CCR6: variants seen among roughly 807,000 people sequenced by gnomAD.
CCR6 encodes the protein C-C chemokine receptor type 6.
A neutral mutation model predicts 3.0 loss-of-function variants in CCR6; 2 were observed. The ratio of observed to expected loss-of-function variants is 0.66; its 90% confidence interval spans 0.27 to 2.07. The LOEUF (loss-of-function observed/expected upper bound fraction) is 2.07. Among genes scored for constraint, CCR6 ranks in the 30% most tolerant of loss-of-function variants. CCR6 has a pLI of 0.14. For synonymous variants in CCR6, 193 were observed against 184.3 expected (o/e 1.05, Z -0.38); for missense variants, 322 against 462.8 (o/e 0.70, Z 2.79).
intron 1 of CCR6, among the ~76,000 whole-genome samples, chr6:167,123,982 T>C (rs1781627975): frequency 6.6e-6 from 1 of 152,090 alleles, no homozygotes; most frequent in Non-Finnish European, 1.5e-5. Flanking sequence ...CATTGTGGCA[T>C]GTGCCTGTAA....
At chr6:167,124,801 A>ACG (rs776791326) in intron 1 of CCR6, among the ~76,000 whole-genome samples, 25 of 133,732 alleles carry the variant, frequency 1.9e-4, no homozygotes, top group Non-Finnish European at 3.0e-4. Context: ...ATATGCGCGC[A>ACG]CACACACACA....
intron 1 of CCR6, among the ~76,000 whole-genome samples, chr6:167,112,335 T>C (rs367544934): frequency 1.3e-5 from 2 of 152,252 alleles, no homozygotes; most frequent in African/African-American, 2.4e-5. Context: ...AGCCAGAAGA[T>C]GGCCATGGAG....
At chr6:167,126,802 G>A (rs184563625) in intron 1 of CCR6, among the ~76,000 whole-genome samples, 10 of 152,322 alleles carry the variant, frequency 6.6e-5, no homozygotes, top group South Asian at 4.1e-4. Flanking sequence ...TCCTGTTCTC[G>A]TGATAGTGAG....
intron 1 of CCR6, among the ~76,000 whole-genome samples, chr6:167,124,644 G>A (rs148361185): frequency 4.3e-4 from 66 of 152,276 alleles, no homozygotes; most frequent in African/African-American, 1.5e-3. Flanking sequence ...AGTCTCACCA[G>A]TACTCACAGT....
chr6:167,118,722 T>C (rs1359733484), upstream of CCR6, among the ~76,000 whole-genome samples: 1 of 152,152 alleles, frequency 6.6e-6, no homozygotes, highest in African/African-American at 2.4e-5. Flanking sequence ...AACTTATTGG[T>C]GTATGAACTT....
upstream of CCR6, among the ~76,000 whole-genome samples, chr6:167,117,944 GT>G (rs34732907): frequency 0.35 from 48,729 of 138,796 alleles, 7,642 homozygotes; most frequent in Middle Eastern, 0.44. Context: ...GCACTTTTCT[GT>G]TTTTTTTTTT....
At position 167,137,419 on chromosome 6, in the gene CCR6, T is replaced by C. The variant is rs1781867014; in HGVS notation, c.*64T>C. 6.7e-7 allele frequency: 1 copy of C among 1,482,252 alleles called. No homozygotes were observed. Among genetic ancestry groups the C allele is most frequent in the Admixed American group, 2.2e-5 (1 of 45,422 alleles). 91.8% of individuals were successfully genotyped at this position (1,482,252 alleles called of 1,614,324 possible). A position where few individuals can be genotyped will look rare whatever the true frequency, so the allele number is the denominator to read the frequency against. On this transcript the variant is annotated 3_prime_UTR_variant, in exon 3 of 3. Coordinates refer to ENST00000341935, the MANE Select transcript of CCR6 (RefSeq NM_031409.4). This position sits in a 1 kb window ranked among gnomAD's most constrained non-coding sequence, Gnocchi z 4.6. ...CTCATAGATGTTATGCAAAAAAAAG[T>C]CTATGGCCAGGTATGCATGGAAAAT...
upstream of CCR6, among the ~76,000 whole-genome samples, chr6:167,118,809 C>T (rs556046602): frequency 2.0e-3 from 301 of 152,246 alleles, 1 homozygote; most frequent in African/African-American, 6.9e-3. Flanking sequence ...CCCCAGGGCC[C>T]CTGGGCCTTT....
In CCR6 at chr6:167,136,338, C is replaced by T. The variant is rs749384834; in HGVS notation, c.108C>T (p.Cys36=). The part of the protein sequence containing the change: ...YYSVDSEMLL[C]SLQEVRQFSR... ...CAGTTGATTCTGAGATGTTACTGTGCTCCTTGCAGGAGGTCAGGCAGTTCT... is the reference window on the plus strand; with the variant it reads ...CAGTTGATTCTGAGATGTTACTGTGTTCCTTGCAGGAGGTCAGGCAGTTCT... Residue 36 remains cysteine, a synonymous_variant, in exon 3 of 3, where the codon TGC becomes TGT. Transcript: ENST00000341935. This position sits in a 1 kb window ranked among gnomAD's most constrained non-coding sequence, Gnocchi z 4.6. The T allele has an allele frequency of 6.2e-7, 1 of 1,614,170 alleles. No homozygotes were observed. Among genetic ancestry groups the T allele is most frequent in the Non-Finnish European group, 8.5e-7 (1 of 1,180,008 alleles).
chr6:167,131,120 C>A (rs905849943), intron 1 of CCR6: 4 of 152,238 alleles, frequency 2.6e-5, no homozygotes, highest in Admixed American at 1.3e-4. Context: ...CTTCTGTTCA[C>A]CAAGAGTTAC....
At chr6:167,135,562 C>G (rs1486402871) in intron 1 of CCR6, among the ~76,000 whole-genome samples, 1 of 152,224 alleles carries the variant, frequency 6.6e-6, no homozygotes, top group Non-Finnish European at 1.5e-5. Context: ...CGATTTAAAG[C>G]CCGGGACTAT....
chr6:167,137,038 C>T lies in CCR6; in HGVS notation c.808C>T (p.His270Tyr), dbSNP rs1235112896. The stretch of plus-strand genomic sequence containing the variant: ...TGTGTTTCTGGCTTGTCAGATTCCT[C>T]ATAACATGGTCCTGCTTGTGACGGC... ...VLVFLACQIP[H>Y]NMVLLVTAAN... The change falls in exon 3 of 3, where the codon CAT becomes TAT. Residue 270 changes from histidine (H) to tyrosine (Y), a missense_variant. Physicochemically the swap from His to Tyr is moderately conservative, Grantham distance 83 (BLOSUM62 2). Coordinates refer to ENST00000341935, the MANE Select transcript of CCR6 (RefSeq NM_031409.4). The surrounding 1 kb of genome is among the most constrained non-coding windows in gnomAD (Gnocchi z 4.6). 18 of 1,614,088 alleles carry T rather than the reference C, an allele frequency of 1.1e-5. No individual in the cohort carries two copies. Among genetic ancestry groups the T allele is most frequent in the Non-Finnish European group, 1.5e-5 (18 of 1,180,048 alleles).
At chr6:167,129,399 C>T (rs553723377) in intron 1 of CCR6, 7 of 152,488 alleles carry the variant, frequency 4.6e-5, no homozygotes, top group Non-Finnish European at 1.0e-4. Context: ...TCCAGACGCT[C>T]CTGCACTTGC....
upstream of CCR6, among the ~76,000 whole-genome samples, chr6:167,118,405 TCA>T (rs546917895): frequency 2.0e-5 from 3 of 152,220 alleles, no homozygotes; most frequent in Non-Finnish European, 4.4e-5. Flanking sequence ...CCAAGAATTT[TCA>T]GTTACACGAG....
At chr6:167,124,796 C>T (rs41514047) in intron 1 of CCR6, among the ~76,000 whole-genome samples, 3 of 101,198 alleles carry the variant, frequency 3.0e-5, no homozygotes, top group African/African-American at 3.8e-5. Flanking sequence ...ACAGCATATG[C>T]GCGCACACAC....
chr6:167,125,955 A>G (rs952344128), intron 1 of CCR6, among the ~76,000 whole-genome samples: 4 of 152,242 alleles, frequency 2.6e-5, no homozygotes, highest in Admixed American at 6.5e-5. Flanking sequence ...GATCTTTGAA[A>G]TGTTAAAATT....
At chr6:167,128,012 C>T (rs1214415117) in intron 1 of CCR6, among the ~76,000 whole-genome samples, 1 of 152,188 alleles carries the variant, frequency 6.6e-6, no homozygotes, top group Non-Finnish European at 1.5e-5. Context: ...GCTTGTGGCC[C>T]CCTCTTCTGT....
chr6:167,132,802 A>C (rs1237949387), intron 1 of CCR6, among the ~76,000 whole-genome samples: 1 of 152,134 alleles, frequency 6.6e-6, no homozygotes, highest in African/African-American at 2.4e-5. Context: ...CGGCCTCCCA[A>C]ATTGCTGGGA....
chr6:167,137,378 G>T lies in CCR6; in HGVS notation c.*23G>T. On this transcript the variant is annotated 3_prime_UTR_variant, in exon 3 of 3. Transcript: ENST00000341935. The surrounding 1 kb of genome is among the most constrained non-coding windows in gnomAD (Gnocchi z 4.6). Reference sequence around the variant, plus strand: ...TGATAGAAAGCTGAGTCTCCCTAAGGCATGTGTGAAACATACTCATAGATG... The same window carrying T: ...TGATAGAAAGCTGAGTCTCCCTAAGTCATGTGTGAAACATACTCATAGATG... 2 of 1,585,540 alleles carry T rather than the reference G, an allele frequency of 1.3e-6. No homozygotes were observed. The highest frequency in any genetic ancestry group is 1.2e-5 in the South Asian group (1 of 86,188).
Sources: allele counts gnomAD v4.1 joint callset (sites outside exome capture counted in the v4.1 genomes callset), GRCh38; gene constraint gnomAD v4.1.1; non-coding constraint Gnocchi (gnomAD v3.1); transcripts MANE v1.5; gene names NCBI Gene and HGNC (gene_info 2026-07-23, HGNC 2026-07-21).